The following CHL1 variants were observed in gnomAD, a reference collection of about 807,000 sequenced individuals.
CHL1 encodes neural cell adhesion molecule L1-like protein.
A neutral mutation model predicts 141.9 loss-of-function variants in CHL1; 96 were observed. The ratio of observed to expected loss-of-function variants is 0.68; its 90% confidence interval spans 0.57 to 0.80. CHL1 has a LOEUF of 0.80. Among genes scored for constraint, CHL1 ranks in the 30% least tolerant of loss-of-function variants. The probability of loss-of-function intolerance (pLI) is 0.00; values close to 1 mark genes in which losing one functional copy is unlikely to be tolerated. For synonymous variants in CHL1, 613 were observed against 502.2 expected (o/e 1.22, Z -2.95); for missense variants, 1,820 against 1,457.2 (o/e 1.25, Z -4.05).
chr3:238,160 A>G (rs1434299620), intron 1 of CHL1, among the ~76,000 whole-genome samples: 1 of 152,216 alleles, frequency 6.6e-6, no homozygotes, highest in Non-Finnish European at 1.5e-5. Context: ...AGATACAGTC[A>G]TTCAAATTTG....
intron 2 of CHL1, among the ~76,000 whole-genome samples, chr3:316,174 A>G (rs1055388458): frequency 3.9e-5 from 6 of 151,986 alleles, no homozygotes; most frequent in East Asian, 1.9e-4. Flanking sequence ...TGGAGCCACC[A>G]TTTTTGAACA....
At chr3:202,370 G>A (rs959413617) in intron 1 of CHL1, among the ~76,000 whole-genome samples, 1 of 152,186 alleles carries the variant, frequency 6.6e-6, no homozygotes, top group Non-Finnish European at 1.5e-5. Context: ...ATCAATGGTG[G>A]TGTCAAATGG....
intron 1 of CHL1, among the ~76,000 whole-genome samples, chr3:240,781 G>C (rs1043426097): frequency 2.1e-5 from 1 of 47,968 alleles, no homozygotes; most frequent in Non-Finnish European, 7.2e-5. Flanking sequence ...TATAAGGTAG[G>C]AGATGAGGAT....
intron 2 of CHL1, among the ~76,000 whole-genome samples, chr3:244,896 GT>G (rs1574842844): frequency 6.6e-6 from 1 of 151,980 alleles, no homozygotes; most frequent in African/African-American, 2.4e-5. Flanking sequence ...TAAATTGCTG[GT>G]TTATTTTTGA....
chr3:296,834 T>A (rs1167383903), intron 2 of CHL1, among the ~76,000 whole-genome samples: 1 of 152,196 alleles, frequency 6.6e-6, no homozygotes, highest in Admixed American at 6.5e-5. Flanking sequence ...GTTTATATAT[T>A]TCTTTAGGTT....
chr3:366,408 T>A (rs927062473), intron 15 of CHL1, among the ~76,000 whole-genome samples: 1 of 151,160 alleles, frequency 6.6e-6, no homozygotes, highest in African/African-American at 2.4e-5. Flanking sequence ...GAGGCGGAGG[T>A]TGTGGTGAGC....
chr3:312,213 A>G (rs1699809649), intron 2 of CHL1, among the ~76,000 whole-genome samples: 1 of 152,196 alleles, frequency 6.6e-6, no homozygotes. Context: ...TCCCAATAAA[A>G]TCAATTTGCT....
chr3:300,938 T>C (rs1698672149), intron 2 of CHL1, among the ~76,000 whole-genome samples: 1 of 152,112 alleles, frequency 6.6e-6, no homozygotes, highest in Non-Finnish European at 1.5e-5. Flanking sequence ...GATTGGAGTG[T>C]TTAGGAAGTT....
Position 262,442 on chromosome 3 carries a change from A to C in CHL1, c.-95+17750A>C, listed in dbSNP as rs111757739. On this transcript the variant is annotated intron_variant, in intron 2 of 27. Coordinates refer to ENST00000256509, the MANE Select transcript of CHL1 (RefSeq NM_006614.4). ...TTAAGCCCAGATCTACACAGTACTC[A>C]CAGGGCAGGATTCACACGTTTAAGC... 1.1e-4 allele frequency among the ~76,000 whole-genome samples: 11 copies of C among 98,426 alleles called. No individual in the cohort carries two copies. The East Asian group carries it at 1.2e-3, about 10-fold the overall frequency. 64.6% of individuals were successfully genotyped at this position (98,426 alleles called of 152,430 possible).
intron 2 of CHL1, among the ~76,000 whole-genome samples, chr3:286,805 C>G (rs1430969324): frequency 6.6e-6 from 1 of 152,100 alleles, no homozygotes; most frequent in South Asian, 2.1e-4. Flanking sequence ...GGTTCTTTCC[C>G]TTTTTAGACC....
intron 19 of CHL1, among the ~76,000 whole-genome samples, chr3:386,341 T>G (rs1185861525): frequency 6.6e-6 from 1 of 152,348 alleles, no homozygotes; most frequent in African/African-American, 2.4e-5. Context: ...TGATTCAATT[T>G]AAAGTAACAT....
At chr3:375,329 A>G (rs1221892545) in intron 15 of CHL1, among the ~76,000 whole-genome samples, 3 of 152,038 alleles carry the variant, frequency 2.0e-5, no homozygotes, top group Non-Finnish European at 4.4e-5. Context: ...CCACTGTAGC[A>G]TGAAAAGTGG....
At chr3:329,034 G>C (rs1179355187) in intron 5 of CHL1, among the ~76,000 whole-genome samples, 1 of 152,118 alleles carries the variant, frequency 6.6e-6, no homozygotes, top group Non-Finnish European at 1.5e-5. Flanking sequence ...AAAACTGCAA[G>C]ACACTTTGTT....
At chr3:319,967 T>C in intron 3 of CHL1, 100 bp downstream of exon 3, 2 of 657,724 alleles carry the variant, frequency 3.0e-6, no homozygotes, top group Non-Finnish European at 5.1e-6. Context: ...TTTTCTACCA[T>C]ATTTCTATAT....
intron 1 of CHL1, among the ~76,000 whole-genome samples, chr3:228,637 G>T (rs1388389986): frequency 2.0e-5 from 3 of 152,184 alleles, no homozygotes; most frequent in Non-Finnish European, 2.9e-5. Flanking sequence ...ACATGGTATA[G>T]AGTGTGTTAT....
At chr3:355,975 T>C (rs1005799846) in intron 11 of CHL1, among the ~76,000 whole-genome samples, 2 of 152,154 alleles carry the variant, frequency 1.3e-5, no homozygotes, top group Non-Finnish European at 2.9e-5. Flanking sequence ...CACGGGGTTG[T>C]TTTGTGGATT....
chr3:231,870 C>T (rs1171940606), intron 1 of CHL1, among the ~76,000 whole-genome samples: 7 of 152,146 alleles, frequency 4.6e-5, no homozygotes, highest in Admixed American at 6.5e-5. Flanking sequence ...AACTACCACA[C>T]CCAGCCTAGA....
At chr3:226,759 A>G (rs1280480527) in intron 1 of CHL1, among the ~76,000 whole-genome samples, 1 of 151,688 alleles carries the variant, frequency 6.6e-6, no homozygotes, top group Admixed American at 6.6e-5. Flanking sequence ...TAGTACCTAT[A>G]TTTTTTATTT....
intron 1 of CHL1, among the ~76,000 whole-genome samples, chr3:216,127 A>G (rs1269189477): frequency 6.6e-6 from 1 of 152,216 alleles, no homozygotes; most frequent in African/African-American, 2.4e-5. Flanking sequence ...TGTGTAAAAA[A>G]TACCACTGTA....
Sources: allele counts gnomAD v4.1 joint callset (sites outside exome capture counted in the v4.1 genomes callset), GRCh38; gene constraint gnomAD v4.1.1; transcripts MANE v1.5; gene names NCBI Gene and HGNC (gene_info 2026-07-23, HGNC 2026-07-21).